Variants in LTBP1 observed in about 807,000 individuals in gnomAD.
The protein encoded by LTBP1 is latent transforming growth factor beta binding protein 1.
In LTBP1, 129 loss-of-function variants were observed where a neutral mutation model predicts 207.6. That is an observed-to-expected ratio of 0.62 (90% confidence interval 0.54 to 0.72). The LOEUF (loss-of-function observed/expected upper bound fraction) is 0.72, where lower values mean the gene tolerates loss of function less well. LTBP1 is among the 30% of genes least tolerant of loss of function. The probability of loss-of-function intolerance (pLI) is 0.00; values close to 1 mark genes in which losing one functional copy is unlikely to be tolerated. For missense variants in LTBP1, 2,281 were observed against 2,217.2 expected, an observed-to-expected ratio of 1.03 and a Z score of -0.58; for synonymous variants, 963 against 833.7, an observed-to-expected ratio of 1.16 and a Z score of -2.67.
intron 24 of LTBP1, among the ~76,000 whole-genome samples, chr2:33,327,357 C>T (rs1166381861): frequency 1.3e-5 from 2 of 152,072 alleles, no homozygotes; most frequent in East Asian, 1.9e-4. Context: ...GAATATATAA[C>T]AATGCTGTTA....
rs530634071 is a variant in LTBP1 at position 33,370,072 on chromosome 2, G to T, written c.4711+4569G>T. Among the ~76,000 whole-genome samples the T allele has an allele frequency of 2.0e-4, 23 of 117,318 alleles. No individual in the cohort carries two copies. The Middle Eastern group carries it at 0.017, about 87-fold the overall frequency. 77.0% of individuals were successfully genotyped at this position (117,318 alleles called of 152,430 possible). The stretch of plus-strand genomic sequence containing the variant: ...GTTAATTTTCTCTCTCTGTACCTCA[G>T]TTTCTCATGTGAAAATAATATCTGC... On this transcript the variant is annotated intron_variant, in intron 31 of 33. Transcript: ENST00000404816.
chr2:32,996,475 A>T (rs776032752), intron 2 of LTBP1, among the ~76,000 whole-genome samples: 24 of 152,148 alleles, frequency 1.6e-4, no homozygotes, highest in Non-Finnish European at 2.8e-4. Flanking sequence ...TCAGCCCATG[A>T]CACTGTTCAT....
At chr2:33,107,931 A>T (rs72793765) in intron 3 of LTBP1, among the ~76,000 whole-genome samples, 12,994 of 152,160 alleles carry the variant, frequency 0.085, 688 homozygotes, top group African/African-American at 0.13. Flanking sequence ...GAGGGAAGGG[A>T]GGAGGAAATC....
chr2:33,004,808 T>TATATATATATATATATATAA (rs1686568751), intron 2 of LTBP1, among the ~76,000 whole-genome samples: 2 of 144,986 alleles, frequency 1.4e-5, no homozygotes, highest in African/African-American at 5.0e-5. Context: ...TATATATATA[T>TATATATATATATATATATAA]ATATATAAAC....
At position 32,966,953 on chromosome 2, in the gene LTBP1, C is replaced by T. The variant is rs777550408; in HGVS notation, c.565+18008C>T. ...AGAGAGATTTTAGAGAATTAGTATA[C>T]TTTCTCCCTGAAATGTTTCCTAGAA... On this transcript the variant is annotated intron_variant, in intron 2 of 33. Coordinates refer to ENST00000404816, the MANE Select transcript of LTBP1 (RefSeq NM_206943.4). Among the ~76,000 whole-genome samples the T allele has an allele frequency of 6.9e-4, 105 of 152,112 alleles. 1 individual carries two copies. Among genetic ancestry groups the T allele is most frequent in the Non-Finnish European group, 8.5e-4 (58 of 67,934 alleles).
intron 5 of LTBP1, among the ~76,000 whole-genome samples, chr2:33,153,949 C>G (rs554189235): frequency 6.6e-6 from 1 of 152,150 alleles, no homozygotes; most frequent in East Asian, 1.9e-4. Flanking sequence ...TCCCCCAGCC[C>G]CCTCCTGCAG....
intron 3 of LTBP1, among the ~76,000 whole-genome samples, chr2:33,059,952 T>C (rs1299806980): frequency 1.3e-5 from 2 of 152,194 alleles, no homozygotes; most frequent in African/African-American, 4.8e-5. Context: ...AAGACTGGCC[T>C]TTTACTCAGT....
At chr2:33,217,694 C>T (rs746866426) in intron 8 of LTBP1, 40 bp downstream of exon 8, 1 of 1,425,422 alleles carries the variant, frequency 7.0e-7, no homozygotes, top group Admixed American at 1.7e-5. Context: ...GTTAATGTAG[C>T]ATATCTGTTT....
chr2:33,171,704 G>C (rs945255852), intron 5 of LTBP1, among the ~76,000 whole-genome samples: 1 of 152,042 alleles, frequency 6.6e-6, no homozygotes, highest in South Asian at 2.1e-4. Context: ...ACACATAATT[G>C]TCAGATTCAC....
intron 3 of LTBP1, chr2:33,056,506 C>T (rs1444008634): frequency 4.0e-6 from 3 of 751,688 alleles, no homozygotes; most frequent in East Asian, 6.1e-5. Flanking sequence ...TTCTTCTTGT[C>T]CCTTCGTGGT....
chr2:32,996,045 C>T (rs543341472), intron 2 of LTBP1, among the ~76,000 whole-genome samples: 3 of 152,218 alleles, frequency 2.0e-5, no homozygotes, highest in African/African-American at 4.8e-5. Context: ...ATATACGTAT[C>T]GATATAGTTA....
chr2:33,042,226 C>T (rs1431393938), intron 3 of LTBP1, among the ~76,000 whole-genome samples: 2 of 152,188 alleles, frequency 1.3e-5, no homozygotes, highest in Non-Finnish European at 2.9e-5. Flanking sequence ...ATATGACTAA[C>T]TTTTAACAGA....
chr2:33,065,565 G>GAA (rs367546891), intron 3 of LTBP1, among the ~76,000 whole-genome samples: 1 of 146,848 alleles, frequency 6.8e-6, no homozygotes, highest in Non-Finnish European at 1.5e-5. Context: ...TTCTCTACAG[G>GAA]AAAAAAAAAA....
At chr2:33,389,347 T>C (rs939181207) in intron 32 of LTBP1, 41 bp downstream of exon 32, 23 of 1,610,806 alleles carry the variant, frequency 1.4e-5, no homozygotes, top group Middle Eastern at 3.3e-4. Flanking sequence ...TAAGTTGTGG[T>C]TGAAGATTAA....
intron 2 of LTBP1, among the ~76,000 whole-genome samples, chr2:33,016,639 A>G (rs1024064448): frequency 6.6e-6 from 1 of 152,160 alleles, no homozygotes; most frequent in African/African-American, 2.4e-5. Context: ...GCCTCCACTC[A>G]GCCTCCACTC....
Position 33,347,140 on chromosome 2 carries a change from A to C in LTBP1, c.3857-227A>C, listed in dbSNP as rs974993920. Among the ~76,000 whole-genome samples the C allele has an allele frequency of 3.9e-5, 6 of 151,914 alleles. No homozygotes were observed. In the South Asian group the frequency reaches 6.2e-4, roughly 16 times the overall value. ...CTCAAAAAAAAAAAAAAAAAAAAAA[A>C]ACCTAAATTCGGAATTGTCTTGAAT... On this transcript the variant is annotated intron_variant, in intron 25 of 33. Coordinates refer to ENST00000404816, the MANE Select transcript of LTBP1 (RefSeq NM_206943.4).
chr2:33,149,444 C>G (rs2150958074), intron 5 of LTBP1, among the ~76,000 whole-genome samples: 1 of 152,230 alleles, frequency 6.6e-6, no homozygotes, highest in Non-Finnish European at 1.5e-5. Flanking sequence ...CAAGATTGTT[C>G]TGTAGATGAA....
At chr2:33,140,716 G>A (rs1312626823) in intron 5 of LTBP1, among the ~76,000 whole-genome samples, 1 of 146,466 alleles carries the variant, frequency 6.8e-6, no homozygotes, top group African/African-American at 2.5e-5. Flanking sequence ...TGCCCAGGCT[G>A]GAGTGCAGTG....
intron 7 of LTBP1, among the ~76,000 whole-genome samples, chr2:33,195,283 A>G (rs1573100528): frequency 6.6e-6 from 1 of 152,318 alleles, no homozygotes; most frequent in South Asian, 2.1e-4. Context: ...CCTCTGATGG[A>G]TCTGGGCAAA....
Sources: allele counts gnomAD v4.1 joint callset (sites outside exome capture counted in the v4.1 genomes callset), GRCh38; gene constraint gnomAD v4.1.1; transcripts MANE v1.5; gene names NCBI Gene and HGNC (gene_info 2026-07-23, HGNC 2026-07-21).